The following ZNF682 variants were observed in gnomAD, a reference collection of about 807,000 sequenced individuals.
The protein encoded by ZNF682 is zinc finger protein 682.
In ZNF682, 29 loss-of-function variants were observed where a neutral mutation model predicts 36.5. The ratio of observed to expected loss-of-function variants is 0.80; its 90% CI spans 0.59 to 1.08. The LOEUF is 1.08. Among genes scored for constraint, ZNF682 ranks in the 50% least tolerant of loss-of-function variants. The pLI is 0.00. For synonymous variants in ZNF682, 180 were observed against 197.0 expected (o/e 0.91, Z 0.72); for missense variants, 561 against 579.7 (o/e 0.97, Z 0.33).
chr19:20,019,474 T>C (rs1251032003), intron 3 of ZNF682, among the ~76,000 whole-genome samples: 2 of 152,074 alleles, frequency 1.3e-5, no homozygotes, highest in African/African-American at 4.8e-5. Context: ...TATAAATAAG[T>C]GGGACTGCAT....
At chr19:20,020,480 G>C (rs2088374171) in intron 3 of ZNF682, among the ~76,000 whole-genome samples, 1 of 152,144 alleles carries the variant, frequency 6.6e-6, no homozygotes, top group African/African-American at 2.4e-5. Flanking sequence ...CTGGGTGACA[G>C]GGTGAGACTC....
At chr19:19,997,517 T>C (rs191143631) in intron 3 of ZNF682, among the ~76,000 whole-genome samples, 1 of 152,310 alleles carries the variant, frequency 6.6e-6, no homozygotes, top group East Asian at 1.9e-4. Context: ...CTTGGGTAGA[T>C]AAAGCTGAGA....
intron 3 of ZNF682, 47 bp downstream of exon 3, chr19:20,022,957 C>G: frequency 6.6e-7 from 1 of 1,517,814 alleles, no homozygotes. Context: ...TCCTTCTTGG[C>G]CTTTGGAGCT....
At position 20,005,941 on chromosome 19, in the gene ZNF682, G is replaced by A. The variant is rs926503670; in HGVS notation, c.*64C>T. On this transcript the variant is annotated 3_prime_UTR_variant, in exon 4 of 4. Coordinates refer to ENST00000397165, the MANE Select transcript of ZNF682 (RefSeq NM_033196.3). ...AATTATCTTGTGATTTCAATGCCTT[G>A]AGCAAGATTTATGGAATTTGCCACA... is the stretch of plus-strand genomic sequence containing the variant. The A allele has an allele frequency of 3.4e-5, 50 of 1,453,514 alleles. No homozygotes were observed. Among genetic ancestry groups the A allele is most frequent in the Non-Finnish European group, 4.5e-5 (48 of 1,076,064 alleles). 90.0% of individuals were successfully genotyped at this position (1,453,514 alleles called of 1,614,324 possible). A position where few individuals can be genotyped will look rare whatever the true frequency, so the allele number is the denominator to read the frequency against.
In ZNF682 at chr19:20,006,612, T is replaced by TGCC; in HGVS notation, c.887_889dup (p.Arg296dup). 1 of 1,614,094 alleles carries TGCC rather than the reference T, an allele frequency of 6.2e-7. No individual in the cohort carries two copies. Among genetic ancestry groups the TGCC allele is most frequent in the South Asian group, 1.1e-5 (1 of 91,076 alleles). ...TGTCTTATGTTTGGTGAGATGTGAG[T>TGCC]GCCGGTTAAACGCTCTGCCACAGTC... On this transcript the variant is annotated inframe_insertion, in exon 4 of 4. Coordinates refer to ENST00000397165, the MANE Select transcript of ZNF682 (RefSeq NM_033196.3).
In ZNF682 at chr19:20,033,037, G is replaced by A. The variant is rs547944716; in HGVS notation, c.3+6306C>T. ...TCCCAGCACTTTGGGAGGCCGAGGT[G>A]GGCAGATCACCTGAGATCAGGAGTT... On this transcript the variant is annotated intron_variant, in intron 1 of 3. Transcript: ENST00000397165. Among the ~76,000 whole-genome samples the A allele has an allele frequency of 8.3e-4, 127 of 152,264 alleles. 1 individual carries two copies. The highest frequency in any genetic ancestry group is 3.0e-3 in the African/African-American group (125 of 41,554).
chr19:20,020,906 GAAGTGGGGA>G (rs2088377579), intron 3 of ZNF682, among the ~76,000 whole-genome samples: 1 of 152,104 alleles, frequency 6.6e-6, no homozygotes, highest in Non-Finnish European at 1.5e-5. Flanking sequence ...ACCCAGTCTC[GAAGTGGGGA>G]AAATGGGAAG....
downstream of ZNF682, among the ~76,000 whole-genome samples, chr19:19,999,603 C>T (rs926907675): frequency 4.6e-5 from 7 of 151,886 alleles, no homozygotes; most frequent in Admixed American, 6.6e-5. Flanking sequence ...GGCACGATCT[C>T]GGCTCACTGC....
At position 20,016,829 on chromosome 19, in the gene ZNF682, A is replaced by G. The variant is rs76970564; in HGVS notation, c.226+6175T>C. ...ATACACAGATCTACAATTCTCTACT[A>G]TAATAATAATGCATAAAACTGAAAA... On this transcript the variant is annotated intron_variant, in intron 3 of 3. Coordinates refer to ENST00000397165, the MANE Select transcript of ZNF682 (RefSeq NM_033196.3). Among the ~76,000 whole-genome samples, 349 of 152,262 alleles carry G rather than the reference A, an allele frequency of 2.3e-3. 2 individuals carry two copies. The highest frequency in any genetic ancestry group is 8.2e-3 in the African/African-American group (341 of 41,582).
At chr19:20,021,077 G>A (rs1475094215) in intron 3 of ZNF682, among the ~76,000 whole-genome samples, 1 of 151,746 alleles carries the variant, frequency 6.6e-6, no homozygotes, top group Non-Finnish European at 1.5e-5. Context: ...ATTGTCTTGG[G>A]CCACGCATAA....
intron 1 of ZNF682, among the ~76,000 whole-genome samples, chr19:20,037,793 C>CA (rs112030477): frequency 2.0e-5 from 3 of 152,188 alleles, no homozygotes; most frequent in African/African-American, 7.2e-5. Context: ...TACTAGCATC[C>CA]AAATTGCCTG....
downstream of ZNF682, among the ~76,000 whole-genome samples, chr19:20,000,433 C>T (rs1186869139): frequency 6.6e-6 from 1 of 152,184 alleles, no homozygotes; most frequent in Non-Finnish European, 1.5e-5. Flanking sequence ...CCACAGATAA[C>T]AGGGCAACCC....
chr19:20,016,081 C>T (rs893252127), intron 3 of ZNF682, among the ~76,000 whole-genome samples: 5 of 152,030 alleles, frequency 3.3e-5, no homozygotes, highest in African/African-American at 1.2e-4. Context: ...GAAGCTGAGG[C>T]GGGTGGATCG....
intron 3 of ZNF682, among the ~76,000 whole-genome samples, chr19:20,019,662 C>T (rs2122351549): frequency 6.6e-6 from 1 of 152,114 alleles, no homozygotes; most frequent in East Asian, 1.9e-4. Context: ...AACTGAAAAA[C>T]AGACTGAATG....
chr19:20,010,367 C>T (rs868183527), intron 3 of ZNF682, among the ~76,000 whole-genome samples: 25 of 152,126 alleles, frequency 1.6e-4, no homozygotes, highest in African/African-American at 5.8e-4. Context: ...ACTTAAAAGA[C>T]ACAAAGTGGT....
At position 20,006,810 on chromosome 19, in the gene ZNF682, C is replaced by T; in HGVS notation, c.692G>A (p.Cys231Tyr). The stretch of plus-strand genomic sequence containing the variant: ...GTTAAAAGCTTTGCCACATTCTTCA[C>T]ATTTGTATGGTTTCTCTCCAGTGTG... ...RIHTGEKPYK[C>Y]EECGKAFNWC... The change falls in exon 4 of 4, where the codon TGT becomes TAT. Residue 231 changes from cysteine (C) to tyrosine (Y), a missense_variant. Transcript: ENST00000397165. The T allele has an allele frequency of 6.2e-7, 1 of 1,614,124 alleles. No homozygotes were observed. Among genetic ancestry groups the T allele is most frequent in the Non-Finnish European group, 8.5e-7 (1 of 1,180,010 alleles).
rs562412973 is a variant in ZNF682 at position 20,038,205 on chromosome 19, T to G, written c.3+1138A>C. 6.6e-4 allele frequency among the ~76,000 whole-genome samples: 100 copies of G among 152,236 alleles called. 1 individual carries two copies. Among genetic ancestry groups the G allele is most frequent in the Middle Eastern group, 3.4e-3 (1 of 294 alleles). The stretch of plus-strand genomic sequence containing the variant: ...AGGGAGATTGGCACAAAGGTTTTTG[T>G]TTTTTGGTCTTTTTTTTTTTCATGG... On this transcript the variant is annotated intron_variant, in intron 1 of 3. Transcript: ENST00000397165.
At chr19:20,003,532 G>A (rs549965498), downstream of ZNF682, among the ~76,000 whole-genome samples, 7 of 151,624 alleles carry the variant, frequency 4.6e-5, no homozygotes, top group South Asian at 8.4e-4. Flanking sequence ...GTGAAACCCC[G>A]TCTCTACTAA....
Position 20,039,464 on chromosome 19 carries a change from A to G in ZNF682, c.-119T>C, listed in dbSNP as rs967312988. On this transcript the variant is annotated 5_prime_UTR_variant, in exon 1 of 4. Transcript: ENST00000397165. ...CTACTAGAGCAGAGGATACTAAGCAATGAAGATGGACCCTGAGCTCTGGCT... is the reference window on the plus strand; with the variant it reads ...CTACTAGAGCAGAGGATACTAAGCAGTGAAGATGGACCCTGAGCTCTGGCT... 7.3e-7 allele frequency: 1 copy of G among 1,365,748 alleles called. No homozygotes were observed. Among genetic ancestry groups the G allele is most frequent in the Non-Finnish European group, 1.0e-6 (1 of 987,554 alleles). The allele number at this position is 1,365,748 out of a possible 1,614,324, so 84.6% of individuals were successfully genotyped here.
Sources: allele counts gnomAD v4.1 joint callset (sites outside exome capture counted in the v4.1 genomes callset), GRCh38; gene constraint gnomAD v4.1.1; transcripts MANE v1.5; gene names NCBI Gene and HGNC (gene_info 2026-07-23, HGNC 2026-07-21).